The following LIMCH1 variants were observed in gnomAD, a reference collection of about 807,000 sequenced individuals.
LIMCH1 encodes the protein LIM and calponin homology domains 1, also known as LIM and calponin homology domains-containing protein 1.
LIMCH1 carries 113 observed loss-of-function variants against 176.5 expected under a neutral mutation model. That is an observed-to-expected ratio of 0.64 (90% CI 0.55 to 0.75). LIMCH1 has a LOEUF of 0.75. Among genes scored for constraint, LIMCH1 ranks in the 30% least tolerant of loss-of-function variants. The pLI, the probability that LIMCH1 is intolerant of heterozygous loss-of-function variation, is 0.00. For missense variants in LIMCH1, 1,674 were observed against 1,814.9 expected (o/e 0.92, Z 1.41); for synonymous variants, 619 against 645.9 (o/e 0.96, Z 0.63).
At position 41,662,867 on chromosome 4, in the gene LIMCH1, G is replaced by A. The variant is rs142367927; in HGVS notation, c.3174G>A (p.Val1058=). ...CTGTGACTCGATGCAGCCCGACCGT[G>A]GCCTTTGTGGAATTTCCCTCCAGCC... ...TTTVTRCSPT[V]AFVEFPSSPQ... Residue 1058 remains valine (V), a synonymous_variant, in exon 20 of 32, where the codon GTG becomes GTA. Coordinates refer to ENST00000503057, the MANE Select transcript of LIMCH1 (RefSeq NM_001330672.2). The A allele has an allele frequency of 1.2e-6, 2 of 1,613,892 alleles. No homozygotes were observed. The highest frequency in any genetic ancestry group is 2.7e-5 in the African/African-American group (2 of 74,892).
chr4:41,613,546 C>T lies in LIMCH1; in HGVS notation c.90C>T (p.Asp30=). Residue 30 remains aspartate, a synonymous_variant, in exon 5 of 32, where the codon GAC becomes GAT. Coordinates refer to ENST00000503057, the MANE Select transcript of LIMCH1 (RefSeq NM_001330672.2). ...YIDCWDSERS[D]SLSPPRHGRD... is the part of the protein sequence containing the mutation. The stretch of plus-strand genomic sequence containing the variant: ...ACTGCTGGGATTCCGAGCGCAGCGA[C>T]TCCCTCTCTCCTCCTCGCCACGGCA... The T allele has an allele frequency of 6.2e-7, 1 of 1,614,100 alleles. No individual in the cohort carries two copies. The highest frequency in any genetic ancestry group is 8.5e-7 in the Non-Finnish European group (1 of 1,179,972).
At chr4:41,616,940 G>A (rs2092148758) in intron 5 of LIMCH1, among the ~76,000 whole-genome samples, 1 of 152,120 alleles carries the variant, frequency 6.6e-6, no homozygotes, top group South Asian at 2.1e-4. Context: ...CTGTCCTGGA[G>A]CATTTGCATG....
intron 31 of LIMCH1, chr4:41,693,494 G>C (rs1727963368): frequency 6.6e-6 from 1 of 151,282 alleles, no homozygotes. Context: ...ACTTAGAGCC[G>C]CTGCTATCAA....
chr4:41,684,813 C>A (rs1464611728), intron 27 of LIMCH1, among the ~76,000 whole-genome samples: 1 of 152,100 alleles, frequency 6.6e-6, no homozygotes, highest in East Asian at 1.9e-4. Flanking sequence ...CTCAAATTCC[C>A]AATTCCACCA....
chr4:41,505,163 C>T (rs2073986681), intron 2 of LIMCH1, among the ~76,000 whole-genome samples: 1 of 152,180 alleles, frequency 6.6e-6, no homozygotes, highest in Non-Finnish European at 1.5e-5. Flanking sequence ...GAAATTACTA[C>T]TTCTTGAGGT....
chr4:41,491,337 A>ACCT (rs2070922218), intron 1 of LIMCH1, among the ~76,000 whole-genome samples: 2 of 136,874 alleles, frequency 1.5e-5, no homozygotes, highest in African/African-American at 2.8e-5. Context: ...GGTGCTCCTC[A>ACCT]CCTCCCAGAC....
Position 41,596,048 on chromosome 4 carries a change from C to CAAAAAAAAAAAAAAAAAAA in LIMCH1, c.-240-2859_-240-2858insAAAAAAAAAAAAAAAAAAA, listed in dbSNP as rs1452167402. ...TGGGTGACAGAGTGAGACTCCATCT[C>CAAAAAAAAAAAAAAAAAAA]AAAAAAAAAAAAATAAAAAAGTTCA... On this transcript the variant is annotated intron_variant, in intron 1 of 31. Transcript: ENST00000503057. Among the ~76,000 whole-genome samples the CAAAAAAAAAAAAAAAAAAA allele has an allele frequency of 9.7e-4, 98 of 100,608 alleles. 5 individuals are homozygous for CAAAAAAAAAAAAAAAAAAA. The highest frequency in any genetic ancestry group is 6.6e-3 in the African/African-American group (95 of 14,416). 66.0% of individuals were successfully genotyped at this position (100,608 alleles called of 152,430 possible). A position where few individuals can be genotyped will look rare whatever the true frequency, so the allele number is the denominator to read the frequency against.
At chr4:41,560,017 T>C (rs777144583) in intron 1 of LIMCH1, among the ~76,000 whole-genome samples, 11 of 152,142 alleles carry the variant, frequency 7.2e-5, no homozygotes, top group African/African-American at 2.4e-4. Context: ...CTAGACTTCT[T>C]TTCCTGTGTT....
intron 13 of LIMCH1, among the ~76,000 whole-genome samples, chr4:41,638,205 C>A (rs2093678730): frequency 6.6e-6 from 1 of 151,972 alleles, no homozygotes; most frequent in African/African-American, 2.4e-5. Context: ...GCTTTAGACT[C>A]ATTTAGACTT....
chr4:41,681,456 G>T (rs1167865792), intron 25 of LIMCH1, among the ~76,000 whole-genome samples: 1 of 152,004 alleles, frequency 6.6e-6, no homozygotes, highest in Non-Finnish European at 1.5e-5. Flanking sequence ...CTTTTCCATT[G>T]TTTGGCAGTA....
rs1395733114 is a variant in LIMCH1, at chr4:41,661,401, A to G, written c.3037-19A>G. On this transcript the variant is annotated intron_variant, in intron 18 of 31. Coordinates refer to ENST00000503057, the MANE Select transcript of LIMCH1 (RefSeq NM_001330672.2). ...TAAAGGAATCATTTATTCAAGGGGG[A>G]AAAAAATCTCTTTTTCAGGCAACCA... The G allele has an allele frequency of 1.3e-5, 20 of 1,540,056 alleles. No individual in the cohort carries two copies. The highest frequency in any genetic ancestry group is 1.7e-4 in the Middle Eastern group (1 of 5,888).
At chr4:41,677,941 T>C (rs1034655279) in intron 23 of LIMCH1, among the ~76,000 whole-genome samples, 2 of 152,160 alleles carry the variant, frequency 1.3e-5, no homozygotes, top group Non-Finnish European at 2.9e-5. Context: ...CGTTTGTTCA[T>C]TTTTTAAATT....
rs1330495339 is a variant in LIMCH1 at position 41,514,926 on chromosome 4, T to G, written c.168-9483T>G. 2.6e-5 allele frequency among the ~76,000 whole-genome samples: 4 copies of G among 152,360 alleles called. No individual in the cohort carries two copies. The East Asian group carries it at 7.7e-4, about 29-fold the overall frequency. The stretch of plus-strand genomic sequence containing the variant: ...AAGCAGTTCGCTTCACAAAGTCTTA[T>G]GTAACCCAAACCACATCTGAGATTG... On this transcript the variant is annotated intron_variant, in intron 2 of 26. Coordinates refer to the LIMCH1 transcript ENST00000313860.
chr4:41,605,999 C>G lies in LIMCH1; in HGVS notation c.4C>G (p.Arg2Gly). The change falls in exon 4 of 32, where the codon CGA becomes GGA. Residue 2 changes from arginine (R) to glycine (G), a missense_variant. Arg to Gly is a moderately radical substitution (Grantham distance 125). Coordinates refer to ENST00000503057, the MANE Select transcript of LIMCH1 (RefSeq NM_001330672.2). Reference sequence around the variant, plus strand: ...GTTTGAAGGATTGTTGGCTCAGATGCGAAAGGTAACTTGGCTTTTCTTCTT... The same window carrying G: ...GTTTGAAGGATTGTTGGCTCAGATGGGAAAGGTAACTTGGCTTTTCTTCTT... M[R>G]KDTDDIESPK... The G allele has an allele frequency of 6.2e-7, 1 of 1,608,496 alleles. No homozygotes were observed. The highest frequency in any genetic ancestry group is 8.5e-7 in the Non-Finnish European group (1 of 1,175,214).
chr4:41,570,290 A>T (rs2083363020), intron 1 of LIMCH1, among the ~76,000 whole-genome samples: 1 of 152,256 alleles, frequency 6.6e-6, no homozygotes, highest in African/African-American at 2.4e-5. Flanking sequence ...CATTCTGCTT[A>T]TAGCACTAAC....
At chr4:41,533,455 G>C (rs1203658444), upstream of LIMCH1, among the ~76,000 whole-genome samples, 1 of 152,124 alleles carries the variant, frequency 6.6e-6, no homozygotes, top group African/African-American at 2.4e-5. Context: ...CTGAACACCG[G>C]CTCCTTGTGC....
At position 41,542,188 on chromosome 4, in the gene LIMCH1, C is replaced by T. The variant is rs183144580; in HGVS notation, c.-241+3838C>T. 3.6e-4 allele frequency among the ~76,000 whole-genome samples: 55 copies of T among 152,178 alleles called. 1 individual carries two copies. The East Asian group carries it at 8.9e-3, about 25-fold the overall frequency. On this transcript the variant is annotated intron_variant, in intron 1 of 31. Coordinates refer to ENST00000503057, the MANE Select transcript of LIMCH1 (RefSeq NM_001330672.2). ...AGGTAGAATCTCATTTCATCTTCCT[C>T]GTTTCCGTTTCAGGTTTTCATTCCA...
chr4:41,648,231 A>C (rs1053609257), intron 17 of LIMCH1, among the ~76,000 whole-genome samples: 8 of 152,210 alleles, frequency 5.3e-5, no homozygotes, highest in Non-Finnish European at 8.8e-5. Flanking sequence ...TGGATTTCCA[A>C]GGCATCTGAC....
intron 2 of LIMCH1, among the ~76,000 whole-genome samples, chr4:41,498,840 A>G (rs533977735): frequency 6.6e-6 from 1 of 151,912 alleles, no homozygotes; most frequent in South Asian, 2.1e-4. Flanking sequence ...ATAAGAGTCT[A>G]TAGGATCAGG....
Sources: allele counts gnomAD v4.1 joint callset (sites outside exome capture counted in the v4.1 genomes callset), GRCh38; gene constraint gnomAD v4.1.1; transcripts MANE v1.5; gene names NCBI Gene and HGNC (gene_info 2026-07-23, HGNC 2026-07-21).